The following RABEP1 variants were observed in gnomAD, a reference collection of about 807,000 sequenced individuals.
RABEP1 encodes rab GTPase-binding effector protein 1.
RABEP1 carries 51 observed loss-of-function variants against 123.4 expected under a neutral mutation model. The observed-to-expected ratio is 0.41, with a 90% CI of 0.33 to 0.52. RABEP1 has a LOEUF of 0.52. Ranked by LOEUF, RABEP1 falls within the 20% of genes least tolerant of loss-of-function variation. The probability of loss-of-function intolerance (pLI) is 0.16; values close to 1 mark genes in which losing one functional copy is unlikely to be tolerated. For synonymous variants in RABEP1, 347 were observed against 355.2 expected, an observed-to-expected ratio of 0.98 and a Z score of 0.26; for missense variants, 888 against 996.3, an observed-to-expected ratio of 0.89 and a Z score of 1.46.
At chr17:5,313,584 G>A (rs1369528307) in intron 2 of RABEP1, among the ~76,000 whole-genome samples, 1 of 152,194 alleles carries the variant, frequency 6.6e-6, no homozygotes, top group African/African-American at 2.4e-5. Context: ...ATCAACTGCA[G>A]TTTTAGATCT....
intron 12 of RABEP1, among the ~76,000 whole-genome samples, chr17:5,369,189 C>G (rs1225065085): frequency 6.6e-6 from 1 of 152,096 alleles, no homozygotes; most frequent in African/African-American, 2.4e-5. Context: ...TGGGGACCTT[C>G]CAGAAGGCCA....
At chr17:5,324,330 A>G (rs1905748191) in intron 2 of RABEP1, among the ~76,000 whole-genome samples, 1 of 152,202 alleles carries the variant, frequency 6.6e-6, no homozygotes, top group East Asian at 1.9e-4. Context: ...AGAATATTCA[A>G]TGAGAAAAGG....
chr17:5,372,949 G>C (rs1910638796), intron 12 of RABEP1, among the ~76,000 whole-genome samples: 1 of 152,096 alleles, frequency 6.6e-6, no homozygotes, highest in South Asian at 2.1e-4. Flanking sequence ...GTAGAGACAG[G>C]GTTTCACTGT....
rs755986483 is a variant in RABEP1 at position 5,313,670 on chromosome 17, A to C, written c.163+4848A>C. Among the ~76,000 whole-genome samples, 28 of 152,344 alleles carry C rather than the reference A, an allele frequency of 1.8e-4. 1 individual carries two copies. Among genetic ancestry groups the C allele is most frequent in the Non-Finnish European group, 1.8e-4 (12 of 68,044 alleles). On this transcript the variant is annotated intron_variant, in intron 2 of 17. Transcript: ENST00000537505. Reference sequence around the variant, plus strand: ...TGTTAAGATTGCATTGATGCATCTAAACCCGGTAAATGGGCTTTTTGTGTA... The same window carrying C: ...TGTTAAGATTGCATTGATGCATCTACACCCGGTAAATGGGCTTTTTGTGTA...
At chr17:5,308,942 T>C (rs2075208431) in intron 2 of RABEP1, 120 bp downstream of exon 2, 2 of 1,054,392 alleles carry the variant, frequency 1.9e-6, no homozygotes, top group Non-Finnish European at 2.7e-6. Flanking sequence ...ACTTGCATAA[T>C]AAAAGAATAC....
intron 2 of RABEP1, among the ~76,000 whole-genome samples, chr17:5,309,707 C>G (rs2144524586): frequency 6.7e-6 from 1 of 148,448 alleles, no homozygotes; most frequent in East Asian, 2.0e-4. Context: ...CATGAGAGAA[C>G]ATGTTGGGGG....
chr17:5,317,981 C>T (rs999122382), intron 2 of RABEP1, among the ~76,000 whole-genome samples: 1 of 152,184 alleles, frequency 6.6e-6, no homozygotes, highest in African/African-American at 2.4e-5. Context: ...GGTGGTGCCC[C>T]AGAGAGGGCG....
intron 1 of RABEP1, among the ~76,000 whole-genome samples, chr17:5,300,877 GA>G (rs777719243): frequency 5.9e-5 from 9 of 152,130 alleles, no homozygotes; most frequent in Non-Finnish European, 1.2e-4. Context: ...AGAGATTCTA[GA>G]TGATTCTCAA....
chr17:5,369,063 C>T (rs1358905582), intron 12 of RABEP1, among the ~76,000 whole-genome samples: 10 of 151,906 alleles, frequency 6.6e-5, no homozygotes, highest in East Asian at 1.9e-4. Context: ...GAGCTGAGAT[C>T]GCGCCACTGC....
intron 15 of RABEP1, chr17:5,378,552 A>G (rs1327321380): frequency 5.6e-6 from 2 of 355,352 alleles, no homozygotes; most frequent in East Asian, 1.5e-4. Context: ...ATGTATAAAA[A>G]ACATTACAAA....
intron 1 of RABEP1, among the ~76,000 whole-genome samples, chr17:5,293,194 C>T (rs187413005): frequency 1.3e-4 from 19 of 151,674 alleles, no homozygotes; most frequent in Admixed American, 7.9e-4. Context: ...GGGTGAGGCA[C>T]GAGAATCGCT....
chr17:5,378,093 G>C lies in RABEP1; in HGVS notation c.2216-84G>C, dbSNP rs1340776361. ...GTTCAGCATACATTTGAATCCTTTG[G>C]GGGGTGCTCTAAAATTTTAAAGAAA... On this transcript the variant is annotated intron_variant, in intron 14 of 17. Coordinates refer to ENST00000537505, the MANE Select transcript of RABEP1 (RefSeq NM_004703.6). 21 of 1,028,678 alleles carry C rather than the reference G, an allele frequency of 2.0e-5. 1 individual carries two copies. In the South Asian group the frequency reaches 2.3e-4, roughly 11 times the overall value. The allele number at this position is 1,028,678 out of a possible 1,614,324, so 63.7% of individuals were successfully genotyped here. A position where few individuals can be genotyped will look rare whatever the true frequency, so the allele number is the denominator to read the frequency against.
intron 2 of RABEP1, among the ~76,000 whole-genome samples, chr17:5,313,833 ATAG>A (rs2075268635): frequency 6.6e-6 from 1 of 152,244 alleles, no homozygotes; most frequent in Admixed American, 6.5e-5. Context: ...AAGAAAATGC[ATAG>A]TATATAAAAG....
At chr17:5,381,345 C>CGGCCCTTT in intron 16 of RABEP1, 44 bp from the exon 17 acceptor site, 1 of 1,591,016 alleles carries the variant, frequency 6.3e-7, no homozygotes, top group Non-Finnish European at 8.5e-7. Context: ...CTAAGTAATT[C>CGGCCCTTT]GGCCCTTTGG....
chr17:5,285,855 T>G (rs1263084577), intron 1 of RABEP1, among the ~76,000 whole-genome samples: 1 of 94,168 alleles, frequency 1.1e-5, no homozygotes, highest in Non-Finnish European at 1.9e-5. Flanking sequence ...TTCATTCTTC[T>G]TAAAGACGAT....
intron 7 of RABEP1, among the ~76,000 whole-genome samples, chr17:5,350,932 G>T (rs1335705338): frequency 6.6e-6 from 1 of 152,212 alleles, no homozygotes; most frequent in Non-Finnish European, 1.5e-5. Context: ...CCCAGGCCAA[G>T]TCTTGAGGTC....
chr17:5,366,478 C>T (rs1910005198), intron 11 of RABEP1, among the ~76,000 whole-genome samples: 2 of 152,098 alleles, frequency 1.3e-5, no homozygotes, highest in South Asian at 4.1e-4. Flanking sequence ...TGGAATCTTG[C>T]TCTGTCACCC....
rs199610396 is a variant in RABEP1, at chr17:5,381,535, C to A, written c.2487+30C>A. 373 of 1,600,062 alleles carry A rather than the reference C, an allele frequency of 2.3e-4. 2 individuals carry two copies. In the African/African-American group the frequency reaches 4.3e-3, roughly 18 times the overall value. ...GGCATTTGGGGAACCACATACAGAG[C>A]ACGAAGGCAGTTTTGGGGGACAGAA... is the stretch of plus-strand genomic sequence containing the variant. On this transcript the variant is annotated intron_variant, in intron 17 of 17. Coordinates refer to ENST00000537505, the MANE Select transcript of RABEP1 (RefSeq NM_004703.6).
At chr17:5,306,599 G>GC (rs1326554125) in intron 1 of RABEP1, among the ~76,000 whole-genome samples, 1 of 150,972 alleles carries the variant, frequency 6.6e-6, no homozygotes, top group Non-Finnish European at 1.5e-5. Flanking sequence ...CTGCACTCCA[G>GC]CCTGGGTGAC....
Sources: gnomAD v4.1 joint callset for allele counts (sites outside exome capture counted in the v4.1 genomes callset) on GRCh38, gnomAD v4.1.1 for gene constraint, MANE v1.5 for transcripts, NCBI Gene and HGNC (gene_info 2026-07-23, HGNC 2026-07-21) for gene names.